The following PTPRK variants were observed in gnomAD, a reference collection of about 807,000 sequenced individuals.
PTPRK encodes the protein protein tyrosine phosphatase receptor type K, also known as receptor-type tyrosine-protein phosphatase kappa.
PTPRK carries 75 observed loss-of-function variants against 178.0 expected under a neutral mutation model. The observed-to-expected ratio is 0.42, with a 90% confidence interval of 0.35 to 0.51. The LOEUF (loss-of-function observed/expected upper bound fraction) is 0.51, where lower values mean the gene tolerates loss of function less well. Among genes scored for constraint, PTPRK ranks in the 20% least tolerant of loss-of-function variants. PTPRK has a pLI of 0.02. For synonymous variants in PTPRK, 637 were observed against 620.6 expected (o/e 1.03, Z -0.39); for missense variants, 1,441 against 1,797.8 (o/e 0.80, Z 3.59).
chr6:128,179,244 A>C (rs1583350777), intron 7 of PTPRK, among the ~76,000 whole-genome samples: 1 of 152,168 alleles, frequency 6.6e-6, no homozygotes, highest in South Asian at 2.1e-4. Flanking sequence ...ATAACTTTGA[A>C]GACCTATTAA....
chr6:128,148,176 T>C (rs1411453960), intron 7 of PTPRK, among the ~76,000 whole-genome samples: 2 of 152,154 alleles, frequency 1.3e-5, no homozygotes, highest in South Asian at 4.1e-4. Flanking sequence ...TGAACTTATT[T>C]GAATGATGAG....
intron 13 of PTPRK, among the ~76,000 whole-genome samples, chr6:128,025,274 T>A (rs2114775743): frequency 6.6e-6 from 1 of 152,362 alleles, no homozygotes; most frequent in South Asian, 2.1e-4. Context: ...TAACGAAGTC[T>A]CTGGCTCAGA....
Position 128,087,743 on chromosome 6 carries a change from T to A in PTPRK, c.1465+1947A>T, listed in dbSNP as rs185020784. The stretch of plus-strand genomic sequence containing the variant: ...ATCATAAATAAGTCTTAAATAAGTC[T>A]TAGGTTTATTCTCAGAAATTTTAGG... On this transcript the variant is annotated intron_variant, in intron 8 of 29. Transcript: ENST00000368226. Among the ~76,000 whole-genome samples the A allele has an allele frequency of 1.8e-4, 27 of 152,220 alleles. No homozygotes were observed. In the East Asian group the frequency reaches 4.8e-3, roughly 27 times the overall value.
At chr6:128,416,969 A>G (rs1416353311) in intron 1 of PTPRK, among the ~76,000 whole-genome samples, 1 of 148,456 alleles carries the variant, frequency 6.7e-6, no homozygotes, top group East Asian at 1.9e-4. Context: ...ATAAAATTAT[A>G]TAGATATAAT....
chr6:128,359,547 C>T (rs1465628992), intron 2 of PTPRK, among the ~76,000 whole-genome samples: 2 of 151,754 alleles, frequency 1.3e-5, no homozygotes, highest in African/African-American at 4.8e-5. Context: ...AGGTCAGGAG[C>T]CCGGGGCCAG....
At chr6:128,058,108 T>C (rs1210477415) in intron 13 of PTPRK, among the ~76,000 whole-genome samples, 7 of 152,196 alleles carry the variant, frequency 4.6e-5, no homozygotes, top group African/African-American at 1.4e-4. Context: ...GTTGCTTTTA[T>C]AAACAGTGCT....
At chr6:128,247,281 G>A (rs1400043715) in intron 3 of PTPRK, among the ~76,000 whole-genome samples, 8 of 151,934 alleles carry the variant, frequency 5.3e-5, no homozygotes, top group African/African-American at 1.7e-4. Context: ...AGTGTTAAGA[G>A]CCCAGGCTCC....
chr6:128,430,002 G>T (rs1844626334), intron 1 of PTPRK, among the ~76,000 whole-genome samples: 1 of 152,148 alleles, frequency 6.6e-6, no homozygotes, highest in Non-Finnish European at 1.5e-5. Flanking sequence ...GTTTGTAAGA[G>T]ATTTTACATG....
intron 7 of PTPRK, among the ~76,000 whole-genome samples, chr6:128,106,241 T>C (rs1789700014): frequency 6.6e-6 from 1 of 152,220 alleles, no homozygotes; most frequent in Non-Finnish European, 1.5e-5. Flanking sequence ...TGTATATTAG[T>C]GGTCCACTAG....
chr6:127,985,819 G>A lies in PTPRK; in HGVS notation c.3153C>T (p.Asp1051=). The change falls in exon 22 of 30, where the codon GAC becomes GAT. Residue 1051 remains aspartate, a synonymous_variant. Transcript: ENST00000368226. ...CTGTAGCATGGTAGGGCACTCCATGGTCAGGCCAGCCCGTGAAATGGAACT... is the reference window on the plus strand; with the variant it reads ...CTGTAGCATGGTAGGGCACTCCATGATCAGGCCAGCCCGTGAAATGGAACT... ...VKQFHFTGWP[D]HGVPYHATGL... is the part of the protein sequence containing the mutation. 1 of 1,613,920 alleles carries A rather than the reference G, an allele frequency of 6.2e-7. No individual in the cohort carries two copies. The highest frequency in any genetic ancestry group is 8.5e-7 in the Non-Finnish European group (1 of 1,179,890).
intron 1 of PTPRK, among the ~76,000 whole-genome samples, chr6:128,459,220 C>T (rs9491955): frequency 0.096 from 14,670 of 152,052 alleles, 999 homozygotes; most frequent in African/African-American, 0.2. Flanking sequence ...TATAGTTATA[C>T]GATCACACTA....
intron 2 of PTPRK, among the ~76,000 whole-genome samples, chr6:128,364,914 A>G (rs1835278025): frequency 6.6e-6 from 1 of 152,046 alleles, no homozygotes; most frequent in Non-Finnish European, 1.5e-5. Context: ...TGAGCTTATT[A>G]AACAGTGCTG....
chr6:128,335,681 A>G (rs1056199245), intron 2 of PTPRK, among the ~76,000 whole-genome samples: 2 of 152,104 alleles, frequency 1.3e-5, no homozygotes, highest in African/African-American at 2.4e-5. Flanking sequence ...CTAGGATATA[A>G]AAAAGTAAAA....
intron 1 of PTPRK, 36 bp from the exon 2 acceptor site, chr6:128,397,724 A>C: frequency 6.2e-7 from 1 of 1,603,016 alleles, no homozygotes; most frequent in East Asian, 2.2e-5. Context: ...CATTCTAAAC[A>C]GATTTTCCAA....
intron 27 of PTPRK, among the ~76,000 whole-genome samples, chr6:127,974,397 C>A (rs144415063): frequency 4.5e-4 from 68 of 152,344 alleles, no homozygotes; most frequent in African/African-American, 1.5e-3. Context: ...CAAGTCTCTT[C>A]TTGCCTTGGG....
intron 7 of PTPRK, among the ~76,000 whole-genome samples, chr6:128,141,771 G>A (rs968693555): frequency 4.0e-5 from 6 of 151,692 alleles, no homozygotes; most frequent in African/African-American, 1.5e-4. Context: ...TTCCTCTTGG[G>A]CTTGGGTTTC....
intron 2 of PTPRK, among the ~76,000 whole-genome samples, chr6:128,372,350 G>A (rs1836416405): frequency 6.6e-6 from 1 of 152,130 alleles, no homozygotes; most frequent in African/African-American, 2.4e-5. Context: ...CTGTAGAAAG[G>A]AAATGATTTT....
At chr6:128,503,316 T>C (rs1018162089) in intron 1 of PTPRK, among the ~76,000 whole-genome samples, 2 of 152,220 alleles carry the variant, frequency 1.3e-5, no homozygotes, top group East Asian at 3.8e-4. Flanking sequence ...TTTTCCCAAG[T>C]ACATTTTGTG....
At chr6:128,015,254 G>C (rs758884117) in intron 13 of PTPRK, among the ~76,000 whole-genome samples, 2 of 151,362 alleles carry the variant, frequency 1.3e-5, no homozygotes, top group Non-Finnish European at 3.0e-5. Flanking sequence ...TGTATATAAT[G>C]GTAAAAAAAG....
Sources: gnomAD v4.1 joint callset for allele counts (sites outside exome capture counted in the v4.1 genomes callset) on GRCh38, gnomAD v4.1.1 for gene constraint, MANE v1.5 for transcripts, NCBI Gene and HGNC (gene_info 2026-07-23, HGNC 2026-07-21) for gene names.